The following AUTS2 variants were observed in gnomAD, a reference collection of about 807,000 sequenced individuals.
The protein encoded by AUTS2 is autism susceptibility gene 2 protein.
In AUTS2, 17 loss-of-function variants were observed where a neutral mutation model predicts 112.4. The ratio of observed to expected loss-of-function variants is 0.15; its 90% CI spans 0.10 to 0.23. The LOEUF (loss-of-function observed/expected upper bound fraction) is 0.23. Ranked by LOEUF, AUTS2 falls within the 10% of genes least tolerant of loss-of-function variation. The probability of loss-of-function intolerance (pLI) is 1.00; values close to 1 mark genes in which losing one functional copy is unlikely to be tolerated. For missense variants in AUTS2, 1,510 were observed against 1,701.6 expected, an observed-to-expected ratio of 0.89 and a Z score of 1.98; for synonymous variants, 751 against 702.7, an observed-to-expected ratio of 1.07 and a Z score of -1.09.
intron 2 of AUTS2, among the ~76,000 whole-genome samples, chr7:69,946,093 C>G (rs1166170809): frequency 6.6e-6 from 1 of 152,180 alleles, no homozygotes; most frequent in Non-Finnish European, 1.5e-5. Context: ...GTGATCCTCT[C>G]ATCTCTGCCT....
chr7:70,500,701 A>G (rs764180841), intron 5 of AUTS2, among the ~76,000 whole-genome samples: 1 of 152,068 alleles, frequency 6.6e-6, no homozygotes, highest in Non-Finnish European at 1.5e-5. Context: ...CCAGGCACAA[A>G]ATAATGGGTT....
intron 2 of AUTS2, among the ~76,000 whole-genome samples, chr7:70,058,848 C>T (rs1299374191): frequency 6.6e-6 from 1 of 152,118 alleles, no homozygotes; most frequent in Non-Finnish European, 1.5e-5. Context: ...TACACACACA[C>T]ATACACTTCA....
chr7:70,378,039 G>A (rs998307700), intron 4 of AUTS2, among the ~76,000 whole-genome samples: 8 of 151,946 alleles, frequency 5.3e-5, no homozygotes, highest in African/African-American at 1.9e-4. Flanking sequence ...GCCTCCCAAA[G>A]TGCTGGTATT....
intron 4 of AUTS2, among the ~76,000 whole-genome samples, chr7:70,346,835 GC>G (rs1236437324): frequency 5.9e-5 from 9 of 152,278 alleles, no homozygotes; most frequent in South Asian, 4.1e-4. Flanking sequence ...TTGTGTCCAA[GC>G]CATTCCCCTC....
intron 6 of AUTS2, among the ~76,000 whole-genome samples, chr7:70,751,986 A>G (rs975369553): frequency 5.9e-5 from 9 of 151,850 alleles, no homozygotes; most frequent in Non-Finnish European, 1.3e-4. Flanking sequence ...TGGCCTCCCA[A>G]AGTTCTGGGA....
intron 5 of AUTS2, among the ~76,000 whole-genome samples, chr7:70,661,335 A>G (rs967540211): frequency 2.0e-5 from 3 of 152,154 alleles, no homozygotes; most frequent in Non-Finnish European, 4.4e-5. Context: ...TGCAGGAATG[A>G]GGGGAAGGTA....
intron 4 of AUTS2, among the ~76,000 whole-genome samples, chr7:70,210,163 C>A (rs530096691): frequency 6.6e-6 from 1 of 152,228 alleles, no homozygotes; most frequent in East Asian, 1.9e-4. Flanking sequence ...CAAGAATAAC[C>A]CTTCTCACTT....
At chr7:70,363,342 A>AGTCTTATTTTTAATTGCTCTAAAATAAG (rs1562909977) in intron 4 of AUTS2, among the ~76,000 whole-genome samples, 1 of 132,304 alleles carries the variant, frequency 7.6e-6, no homozygotes, top group African/African-American at 3.1e-5. Flanking sequence ...AGCTATTGAT[A>AGTCTTATTTTTAATTGCTCTAAAATAAG]TACCTAATGC....
chr7:69,787,926 T>C (rs1391089011), intron 1 of AUTS2, among the ~76,000 whole-genome samples: 8 of 152,192 alleles, frequency 5.3e-5, no homozygotes, highest in Non-Finnish European at 1.2e-4. Flanking sequence ...CTCCTAGGAA[T>C]GAAGTGGAAC....
intron 6 of AUTS2, among the ~76,000 whole-genome samples, chr7:70,717,330 A>T (rs533312900): frequency 7.2e-5 from 11 of 152,106 alleles, no homozygotes; most frequent in African/African-American, 2.4e-4. Context: ...ACAGGCCTGT[A>T]CCACCATACC....
chr7:70,557,465 C>T (rs1801299691), intron 5 of AUTS2, among the ~76,000 whole-genome samples: 1 of 152,208 alleles, frequency 6.6e-6, no homozygotes, highest in Non-Finnish European at 1.5e-5. Flanking sequence ...CATAGTCAGG[C>T]TTGTTATTGA....
At chr7:69,963,131 GAGA>G (rs1421370360) in intron 2 of AUTS2, among the ~76,000 whole-genome samples, 3 of 152,126 alleles carry the variant, frequency 2.0e-5, no homozygotes, top group African/African-American at 7.2e-5. Flanking sequence ...GAAATGGAAG[GAGA>G]AGGAGTTTAT....
chr7:69,932,469 G>C (rs938073973), intron 2 of AUTS2, among the ~76,000 whole-genome samples: 2 of 152,208 alleles, frequency 1.3e-5, no homozygotes, highest in African/African-American at 4.8e-5. Context: ...AGACACAATT[G>C]CAACATTGAT....
intron 1 of AUTS2, among the ~76,000 whole-genome samples, chr7:69,634,545 G>C (rs986023477): frequency 2.0e-5 from 3 of 152,204 alleles, no homozygotes; most frequent in African/African-American, 7.2e-5. Flanking sequence ...AACAGTGGCT[G>C]TCAACAGTTA....
At chr7:70,034,684 C>G (rs969923490) in intron 2 of AUTS2, among the ~76,000 whole-genome samples, 2 of 152,094 alleles carry the variant, frequency 1.3e-5, no homozygotes, top group African/African-American at 4.8e-5. Flanking sequence ...GTGGTTGTTA[C>G]AAATGACAGG....
At chr7:70,553,865 G>A (rs1182196833) in intron 5 of AUTS2, among the ~76,000 whole-genome samples, 1 of 135,912 alleles carries the variant, frequency 7.4e-6, no homozygotes, top group East Asian at 2.4e-4. Context: ...CTCCCGGGTT[G>A]AAGCAATTCT....
intron 4 of AUTS2, among the ~76,000 whole-genome samples, chr7:70,247,024 C>T (rs545164679): frequency 6.6e-6 from 1 of 152,022 alleles, no homozygotes; most frequent in South Asian, 2.1e-4. Context: ...CGTATATACC[C>T]AAAATCATTC....
intron 4 of AUTS2, among the ~76,000 whole-genome samples, chr7:70,432,617 C>G (rs1795721378): frequency 6.6e-6 from 1 of 152,154 alleles, no homozygotes; most frequent in Admixed American, 6.5e-5. Context: ...TGGAATAGAC[C>G]TCTTGTATGT....
chr7:69,884,401 A>T (rs775884891), intron 1 of AUTS2, among the ~76,000 whole-genome samples: 1 of 152,232 alleles, frequency 6.6e-6, no homozygotes, highest in Non-Finnish European at 1.5e-5. Flanking sequence ...AGCATAGATT[A>T]TGAGTTTAAA....
Sources: gnomAD v4.1 joint callset for allele counts (sites outside exome capture counted in the v4.1 genomes callset) on GRCh38, gnomAD v4.1.1 for gene constraint, MANE v1.5 for transcripts, NCBI Gene and HGNC (gene_info 2026-07-23, HGNC 2026-07-21) for gene names.